The following LHX6 variants were observed in gnomAD, a reference collection of about 807,000 sequenced individuals.
LHX6 encodes the protein LIM/homeobox protein Lhx6.
In LHX6, 15 loss-of-function variants were observed where a neutral mutation model predicts 47.1. That is an observed-to-expected ratio of 0.32 (90% confidence interval 0.21 to 0.49). The LOEUF is 0.49. Ranked by LOEUF, LHX6 falls within the 20% of genes least tolerant of loss-of-function variation. The pLI is 0.99. For synonymous variants in LHX6, 242 were observed against 233.5 expected (o/e 1.04, Z -0.33); for missense variants, 404 against 539.6 (o/e 0.75, Z 2.49).
At chr9:122,227,112 C>G (rs1309010052) in intron 2 of LHX6, 82 bp from the exon 3 acceptor site, 115 of 1,306,390 alleles carry the variant, frequency 8.8e-5, no homozygotes, top group Non-Finnish European at 1.1e-4. Flanking sequence ...CTGGGGCCCC[C>G]GAGCACCAAT....
At chr9:122,228,160 C>T in intron 1 of LHX6, 4 of 981,046 alleles carry the variant, frequency 4.1e-6, no homozygotes, top group Admixed American at 2.4e-5. Flanking sequence ...TATATTGACA[C>T]GGATTCAGGC....
Position 122,226,550 on chromosome 9 carries a change from G to T in LHX6, c.340-53C>A, listed in dbSNP as rs1020082176. On this transcript the variant is annotated intron_variant, in intron 3 of 9. Transcript: ENST00000394319. The surrounding 1 kb of genome is among the most constrained non-coding windows in gnomAD (Gnocchi z 6.5). ...GCTCAGCGCGGGCCTCTTTCACTCC[G>T]GGCCCCAGCCTTCCCGGTCTCATTT... The T allele has an allele frequency of 3.2e-6, 5 of 1,583,222 alleles. No homozygotes were observed. Among genetic ancestry groups the T allele is most frequent in the African/African-American group, 1.4e-5 (1 of 73,410 alleles).
Position 122,214,179 on chromosome 9 carries a change from C to T in LHX6, c.783+104G>A. 1 of 1,390,416 alleles carries T rather than the reference C, an allele frequency of 7.2e-7. No homozygotes were observed. Among genetic ancestry groups the T allele is most frequent in the African/African-American group, 1.5e-5 (1 of 67,062 alleles). 86.1% of individuals were successfully genotyped at this position (1,390,416 alleles called of 1,614,324 possible). On this transcript the variant is annotated intron_variant, in intron 6 of 9. Coordinates refer to ENST00000394319, the MANE Select transcript of LHX6 (RefSeq NM_014368.5). The surrounding 1 kb of genome is among the most constrained non-coding windows in gnomAD (Gnocchi z 4.6). ...CGCCCCAGGCAGCTGCGGCCCCGCC[C>T]CGCCACCCGGGTCCGGCCCGAGGGG... is the stretch of plus-strand genomic sequence containing the variant.
In LHX6 at chr9:122,228,770, C is replaced by T; in HGVS notation, c.-30G>A. 1 of 1,234,588 alleles carries T rather than the reference C, an allele frequency of 8.1e-7. No homozygotes were observed. The highest frequency in any genetic ancestry group is 3.8e-5 in the South Asian group (1 of 26,018). The allele number at this position is 1,234,588 out of a possible 1,614,324, so 76.5% of individuals were successfully genotyped here. The stretch of plus-strand genomic sequence containing the variant: ...CGGGGAACCTCGGGCTCAGCGGGCG[C>T]GCAGCGCGGAGAGCTGCGCCGAGGG... On this transcript the variant is annotated 5_prime_UTR_variant, in exon 1 of 10. Coordinates refer to ENST00000394319, the MANE Select transcript of LHX6 (RefSeq NM_014368.5).
In LHX6 at chr9:122,214,530, CTCAGTCT is replaced by C; in HGVS notation, c.683-154_683-148del. 1 of 1,190,192 alleles carries C rather than the reference CTCAGTCT, an allele frequency of 8.4e-7. No homozygotes were observed. Among genetic ancestry groups the C allele is most frequent in the African/African-American group, 1.6e-5 (1 of 61,536 alleles). 73.7% of individuals were successfully genotyped at this position (1,190,192 alleles called of 1,614,324 possible). A position where few individuals can be genotyped will look rare whatever the true frequency, so the allele number is the denominator to read the frequency against. ...GGATCCCAGGGTCCTAGTCCCTGAG[CTCAGTCT>C]TTGGGGAAGGGGTTTCTGAGCGTCC... On this transcript the variant is annotated intron_variant, in intron 5 of 9. Transcript: ENST00000394319. The surrounding 1 kb of genome is among the most constrained non-coding windows in gnomAD (Gnocchi z 4.6).
In LHX6 at chr9:122,217,800, G is replaced by A. The variant is rs1830654535; in HGVS notation, c.462-512C>T. Among the ~76,000 whole-genome samples the A allele has an allele frequency of 6.6e-6, 1 of 152,172 alleles. No individual in the cohort carries two copies. The highest frequency in any genetic ancestry group is 6.5e-5 in the Admixed American group (1 of 15,274). On this transcript the variant is annotated intron_variant, in intron 4 of 9. Transcript: ENST00000394319. This position sits in a 1 kb window ranked among gnomAD's most constrained non-coding sequence, Gnocchi z 4.9. ...GAGATGAATATAAGCTATAGCGCCA[G>A]CTGTACAGAAGTGCAGTTTCTTAGA...
intron 9 of LHX6, among the ~76,000 whole-genome samples, chr9:122,207,774 T>C (rs1830240605): frequency 6.6e-6 from 1 of 152,030 alleles, no homozygotes; most frequent in Middle Eastern, 3.2e-3. Context: ...AGAGGTACCA[T>C]CCTAAAGGAG....
At position 122,213,887 on chromosome 9, in the gene LHX6, C is replaced by G. The variant is rs1341558014; in HGVS notation, c.879+87G>C. On this transcript the variant is annotated intron_variant, in intron 7 of 9. Coordinates refer to ENST00000394319, the MANE Select transcript of LHX6 (RefSeq NM_014368.5). This position sits in a 1 kb window ranked among gnomAD's most constrained non-coding sequence, Gnocchi z 5.5. ...GTCGCCTCCTGGAGAAGGATGGCCA[C>G]GTGCACGCACCACCCTCCGCGCCGA... 6.6e-7 allele frequency: 1 copy of G among 1,515,222 alleles called. No individual in the cohort carries two copies. Among genetic ancestry groups the G allele is most frequent in the Non-Finnish European group, 8.9e-7 (1 of 1,119,338 alleles). 93.9% of individuals were successfully genotyped at this position (1,515,222 alleles called of 1,614,324 possible).
intron 4 of LHX6, among the ~76,000 whole-genome samples, chr9:122,220,769 C>A (rs1830819005): frequency 6.6e-6 from 1 of 152,182 alleles, no homozygotes; most frequent in East Asian, 1.9e-4. Context: ...AGGTGGGCGT[C>A]GCGCACCGCA....
Position 122,227,493 on chromosome 9 carries a change from G to A in LHX6, c.85-13C>T. The A allele has an allele frequency of 6.6e-7, 1 of 1,522,732 alleles. No homozygotes were observed. The highest frequency in any genetic ancestry group is 1.2e-5 in the South Asian group (1 of 83,354). The allele number at this position is 1,522,732 out of a possible 1,614,324, so 94.3% of individuals were successfully genotyped here. A position where few individuals can be genotyped will look rare whatever the true frequency, so the allele number is the denominator to read the frequency against. On this transcript the variant is annotated splice_polypyrimidine_tract_variant and intron_variant, in intron 1 of 9. Coordinates refer to ENST00000394319, the MANE Select transcript of LHX6 (RefSeq NM_014368.5). ...GCTGGGCCATCACCTGGGGGAGGGG[G>A]GGAGGGAACGCAGGCGGCGGCGGCT... is the stretch of plus-strand genomic sequence containing the variant.
chr9:122,227,467 G>C lies in LHX6; in HGVS notation c.98C>G (p.Pro33Arg), dbSNP rs1831158456. ...GGTGGTCGCTTTGCAGCCGGACCCT[G>C]GCTGGGCCATCACCTGGGGGAGGGG... ...GPATDQVMAQ[P>R]GSGCKATTRC... The change falls in exon 2 of 10, where the codon CCA (proline) becomes CGA (arginine). Residue 33 changes from proline to arginine, a missense_variant. Transcript: ENST00000394319. The C allele has an allele frequency of 6.6e-7, 1 of 1,526,702 alleles. No individual in the cohort carries two copies. Among genetic ancestry groups the C allele is most frequent in the Non-Finnish European group, 8.8e-7 (1 of 1,140,920 alleles). The allele number at this position is 1,526,702 out of a possible 1,614,324, so 94.6% of individuals were successfully genotyped here. A position where few individuals can be genotyped will look rare whatever the true frequency, so the allele number is the denominator to read the frequency against.
In LHX6 at chr9:122,213,950, AGGCCC is replaced by A; in HGVS notation, c.879+19_879+23del. On this transcript the variant is annotated intron_variant, in intron 7 of 9. Transcript: ENST00000394319. This position sits in a 1 kb window ranked among gnomAD's most constrained non-coding sequence, Gnocchi z 5.5. ...GCTCCGGGGCGTGCCCGCGGTCCCCAGGCCCCGCCCACCCCCGTCCCACCTGGATG... is the reference window on the plus strand; with the variant it reads ...GCTCCGGGGCGTGCCCGCGGTCCCCACGCCCACCCCCGTCCCACCTGGATG... 3.4e-6 allele frequency: 3 copies of A among 878,928 alleles called. No homozygotes were observed. Among genetic ancestry groups the A allele is most frequent in the Non-Finnish European group, 3.6e-6 (2 of 554,124 alleles). The allele number at this position is 878,928 out of a possible 1,614,324, so 54.4% of individuals were successfully genotyped here.
chr9:122,225,093 G>A (rs374657080), intron 4 of LHX6, among the ~76,000 whole-genome samples: 1 of 152,316 alleles, frequency 6.6e-6, no homozygotes, highest in East Asian at 1.9e-4. Flanking sequence ...CAGATCGCTG[G>A]AGGCTCAATG....
rs1156705910 is a variant in LHX6, at chr9:122,214,251, C to T, written c.783+32G>A. On this transcript the variant is annotated intron_variant, in intron 6 of 9. Transcript: ENST00000394319. This position sits in a 1 kb window ranked among gnomAD's most constrained non-coding sequence, Gnocchi z 4.6. ...GCCCCGCCCACTTTCGGCCCGGCCC[C>T]CGCCCCCGCCGCCCACTGCTTGCAG... The T allele has an allele frequency of 9.7e-6, 15 of 1,541,640 alleles. No individual in the cohort carries two copies. The highest frequency in any genetic ancestry group is 1.2e-5 in the Non-Finnish European group (14 of 1,149,550).
Position 122,214,140 on chromosome 9 carries a change from C to T in LHX6, c.784-71G>A. 1 of 1,481,500 alleles carries T rather than the reference C, an allele frequency of 6.7e-7. No individual in the cohort carries two copies. Among genetic ancestry groups the T allele is most frequent in the Non-Finnish European group, 9.1e-7 (1 of 1,094,172 alleles). The allele number at this position is 1,481,500 out of a possible 1,614,324, so 91.8% of individuals were successfully genotyped here. On this transcript the variant is annotated intron_variant, in intron 6 of 9. Transcript: ENST00000394319. The surrounding 1 kb of genome is among the most constrained non-coding windows in gnomAD (Gnocchi z 4.6). ...GAGACCCCGGCCCAATCAGCGGCGC[C>T]AGTCCACAGGCCACGCCCCAGGCAG...
Position 122,226,130 on chromosome 9 carries a change from C to T in LHX6, c.461+246G>A, listed in dbSNP as rs1048709687. 1.3e-5 allele frequency among the ~76,000 whole-genome samples: 2 copies of T among 152,170 alleles called. No homozygotes were observed. The highest frequency in any genetic ancestry group is 4.8e-5 in the African/African-American group (2 of 41,432). On this transcript the variant is annotated intron_variant, in intron 4 of 9. Coordinates refer to ENST00000394319, the MANE Select transcript of LHX6 (RefSeq NM_014368.5). The surrounding 1 kb of genome is among the most constrained non-coding windows in gnomAD (Gnocchi z 6.5). ...CCCGAGACAGAGCCAGAGACGATAC[C>T]GAAACCCAATGGACCGCGAGGACCG... is the stretch of plus-strand genomic sequence containing the variant.
At chr9:122,216,048 G>A (rs1419606320) in intron 5 of LHX6, among the ~76,000 whole-genome samples, 1 of 152,172 alleles carries the variant, frequency 6.6e-6, no homozygotes, top group Non-Finnish European at 1.5e-5. Flanking sequence ...GGGCCAAGGT[G>A]GTGTGGTATG....
In LHX6 at chr9:122,226,951, G is replaced by A. The variant is rs1360445686; in HGVS notation, c.236C>T (p.Pro79Leu). 6.4e-7 allele frequency: 1 copy of A among 1,554,760 alleles called. No individual in the cohort carries two copies. Among genetic ancestry groups the A allele is most frequent in the Non-Finnish European group, 8.7e-7 (1 of 1,149,320 alleles). ...GGCAGAGGGCGGTGAGCAGACAGAT[G>A]GCGTGCTGGGCGTACATGGGGAGGC... is the stretch of plus-strand genomic sequence containing the variant. ...GQASPCTPSTPSVCSPPSAAS... is the reference protein window; with the variant it reads ...GQASPCTPSTLSVCSPPSAAS... Residue 79 changes from proline to leucine, a missense_variant, in exon 3 of 10, where the codon CCA becomes CTA. Physicochemically the swap from Pro to Leu is moderately conservative, Grantham distance 98. Coordinates refer to ENST00000394319, the MANE Select transcript of LHX6 (RefSeq NM_014368.5). The surrounding 1 kb of genome is among the most constrained non-coding windows in gnomAD (Gnocchi z 6.5).
chr9:122,226,291 A>G lies in LHX6; in HGVS notation c.461+85T>C. On this transcript the variant is annotated intron_variant, in intron 4 of 9. Coordinates refer to ENST00000394319, the MANE Select transcript of LHX6 (RefSeq NM_014368.5). This position sits in a 1 kb window ranked among gnomAD's most constrained non-coding sequence, Gnocchi z 6.5. ...ACTCGGGACGCCGGGGTTCTGGAGGAGAGACCACACGCCGCAAAAGTGGCC... is the reference window on the plus strand; with the variant it reads ...ACTCGGGACGCCGGGGTTCTGGAGGGGAGACCACACGCCGCAAAAGTGGCC... 1 of 1,501,344 alleles carries G rather than the reference A, an allele frequency of 6.7e-7. No homozygotes were observed. The highest frequency in any genetic ancestry group is 2.3e-5 in the East Asian group (1 of 43,354). The allele number at this position is 1,501,344 out of a possible 1,614,324, so 93.0% of individuals were successfully genotyped here.
Sources: allele counts gnomAD v4.1 joint callset (sites outside exome capture counted in the v4.1 genomes callset), GRCh38; gene constraint gnomAD v4.1.1; non-coding constraint Gnocchi (gnomAD v3.1); transcripts MANE v1.5; gene names NCBI Gene and HGNC (gene_info 2026-07-23, HGNC 2026-07-21).